Variants in DNAH7 observed in about 807,000 individuals in gnomAD.
DNAH7 encodes dynein axonemal heavy chain 7, also known as axonemal beta dynein heavy chain 7.
A neutral mutation model predicts 444.6 loss-of-function variants in DNAH7; 397 were observed. That is an observed-to-expected ratio of 0.89 (90% CI 0.82 to 0.97). The LOEUF (loss-of-function observed/expected upper bound fraction) is 0.97. Ranked by LOEUF, DNAH7 falls within the 50% of genes least tolerant of loss-of-function variation. The probability of loss-of-function intolerance (pLI) is 0.00; values close to 1 mark genes in which losing one functional copy is unlikely to be tolerated. For missense variants in DNAH7, 4,902 were observed against 4,800.8 expected (o/e 1.02, Z -0.62); for synonymous variants, 1,636 against 1,624.4 (o/e 1.01, Z -0.17).
At chr2:195,934,450 T>G (rs1688910190) in intron 21 of DNAH7, 141 bp downstream of exon 21, 2 of 933,492 alleles carry the variant, frequency 2.1e-6, no homozygotes, top group Middle Eastern at 2.8e-4. Flanking sequence ...TCTCTTTGCC[T>G]TCAAGTTATC....
chr2:195,778,707 C>CAT (rs1474773196), intron 58 of DNAH7, among the ~76,000 whole-genome samples: 71 of 63,812 alleles, frequency 1.1e-3, no homozygotes, highest in African/African-American at 3.5e-3. Flanking sequence ...TATATATACA[C>CAT]ATATATATAC....
chr2:195,759,941 G>A (rs1235421820), intron 61 of DNAH7, among the ~76,000 whole-genome samples: 2 of 152,202 alleles, frequency 1.3e-5, no homozygotes, highest in Non-Finnish European at 1.5e-5. Context: ...GCCTCCCAAA[G>A]TGCTGGGATT....
intron 12 of DNAH7, among the ~76,000 whole-genome samples, chr2:195,988,932 T>C (rs1436534133): frequency 6.6e-6 from 1 of 152,188 alleles, no homozygotes; most frequent in African/African-American, 2.4e-5. Flanking sequence ...AGTGAGATCA[T>C]TCAGTATTTG....
chr2:195,758,086 C>G (rs1180880554), intron 61 of DNAH7, among the ~76,000 whole-genome samples: 3 of 152,164 alleles, frequency 2.0e-5, no homozygotes. Flanking sequence ...TAGAGCCAGC[C>G]CTTTATCTTC....
intron 49 of DNAH7, among the ~76,000 whole-genome samples, chr2:195,821,632 C>T (rs554316546): frequency 2.0e-5 from 3 of 152,146 alleles, no homozygotes; most frequent in African/African-American, 7.2e-5. Flanking sequence ...GTTGTTTGAC[C>T]GAAGAGCAGA....
At chr2:195,856,963 C>G (rs1699749607) in intron 44 of DNAH7, among the ~76,000 whole-genome samples, 1 of 152,004 alleles carries the variant, frequency 6.6e-6, no homozygotes, top group Non-Finnish European at 1.5e-5. Flanking sequence ...TACCACTCTT[C>G]TCATCAGTAT....
Position 196,004,782 on chromosome 2 carries a change from T to TCACA in DNAH7, c.990-2928_990-2925dup, listed in dbSNP as rs58787682. On this transcript the variant is annotated intron_variant, in intron 10 of 64. Coordinates refer to ENST00000312428, the MANE Select transcript of DNAH7 (RefSeq NM_018897.3). The stretch of plus-strand genomic sequence containing the variant: ...CTGGACAACATGGTGAGGGTCTGTC[T>TCACA]CACACACACACACACACACACACAC... 1.4e-3 allele frequency among the ~76,000 whole-genome samples: 204 copies of TCACA among 146,288 alleles called. 1 individual carries two copies. The highest frequency in any genetic ancestry group is 2.7e-3 in the Admixed American group (40 of 14,642).
At chr2:195,961,118 C>G (rs1464097904) in intron 17 of DNAH7, among the ~76,000 whole-genome samples, 173 bp from the exon 18 acceptor site, 5 of 151,938 alleles carry the variant, frequency 3.3e-5, no homozygotes, top group Non-Finnish European at 1.5e-5. Context: ...CTATTTACTT[C>G]TTTTTTTAAT....
intron 15 of DNAH7, among the ~76,000 whole-genome samples, chr2:195,974,624 G>A (rs79015545): frequency 2.1e-3 from 322 of 151,990 alleles, no homozygotes; most frequent in African/African-American, 7.6e-3. Context: ...TTCCTTTAAT[G>A]AACAGGAATT....
intron 54 of DNAH7, among the ~76,000 whole-genome samples, chr2:195,805,125 T>C (rs1696648294): frequency 6.6e-6 from 1 of 152,206 alleles, no homozygotes; most frequent in African/African-American, 2.4e-5. Flanking sequence ...GATAGCTCCA[T>C]GTATTTTCAG....
Position 195,987,066 on chromosome 2 carries a change from C to A in DNAH7, c.1754G>T (p.Arg585Ile), listed in dbSNP as rs1449586344. 1.9e-6 allele frequency: 3 copies of A among 1,589,444 alleles called. No individual in the cohort carries two copies. The highest frequency in any genetic ancestry group is 2.6e-6 in the Non-Finnish European group (3 of 1,173,174). The change falls in exon 14 of 65, where the codon AGA (arginine) becomes ATA (isoleucine). Residue 585 changes from arginine to isoleucine, a missense_variant and splice_region_variant. By Grantham distance (97) the Arg-to-Ile change is moderately conservative (BLOSUM62 -3). Coordinates refer to ENST00000312428, the MANE Select transcript of DNAH7 (RefSeq NM_018897.3). ...AAAAAAACCAGTATCACATAAATAC[C>A]TTGTATTTACTTCCTGATGATCTCT... ...MFRDHQEVNT[R>I]LCDEFERIAE...
At chr2:195,966,371 T>G (rs1331817490) in intron 17 of DNAH7, among the ~76,000 whole-genome samples, 1 of 152,200 alleles carries the variant, frequency 6.6e-6, no homozygotes, top group Admixed American at 6.5e-5. Context: ...ACCTAACATA[T>G]GGTCTATCCT....
chr2:195,981,545 A>G (rs1692574072), intron 15 of DNAH7, among the ~76,000 whole-genome samples: 1 of 152,176 alleles, frequency 6.6e-6, no homozygotes, highest in African/African-American at 2.4e-5. Context: ...GAGGAATCAC[A>G]TTACCTGATT....
At position 196,031,328 on chromosome 2, in the gene DNAH7, C is replaced by A. The variant is rs553646529; in HGVS notation, c.399-3281G>T. Among the ~76,000 whole-genome samples the A allele has an allele frequency of 9.0e-4, 137 of 152,326 alleles. No homozygotes were observed. In the Middle Eastern group the frequency reaches 0.017, roughly 19 times the overall value. Reference sequence around the variant, plus strand: ...GCACGGGGACCCTGGGCCTGGCCCACAGAACCATTTTCTCCTGGGCTTCTG... The same window carrying A: ...GCACGGGGACCCTGGGCCTGGCCCAAAGAACCATTTTCTCCTGGGCTTCTG... On this transcript the variant is annotated intron_variant, in intron 5 of 64. Transcript: ENST00000312428.
In DNAH7 at chr2:196,058,117, C is replaced by G; in HGVS notation, c.16-1G>C. On this transcript the variant is annotated splice_acceptor_variant, in intron 1 of 64. Coordinates refer to ENST00000312428, the MANE Select transcript of DNAH7 (RefSeq NM_018897.3). LOFTEE classifies it high-confidence loss of function. Reference sequence around the variant, plus strand: ...ATTTTTCTTTGCTGGCCGATTTATCCTGTATGAAAAACATGAAAAAACAAA... The same window carrying G: ...ATTTTTCTTTGCTGGCCGATTTATCGTGTATGAAAAACATGAAAAAACAAA... 6.3e-7 allele frequency: 1 copy of G among 1,582,944 alleles called. No homozygotes were observed. Among genetic ancestry groups the G allele is most frequent in the Non-Finnish European group, 8.6e-7 (1 of 1,166,106 alleles).
chr2:196,036,045 T>C (rs78833116), intron 5 of DNAH7, among the ~76,000 whole-genome samples: 1 of 149,798 alleles, frequency 6.7e-6, no homozygotes, highest in Non-Finnish European at 1.5e-5. Context: ...TTTTTTTTTT[T>C]TTCCAGGCAG....
intron 49 of DNAH7, among the ~76,000 whole-genome samples, chr2:195,823,718 C>A (rs1307739054): frequency 3.9e-5 from 6 of 152,046 alleles, no homozygotes; most frequent in African/African-American, 1.4e-4. Context: ...AAGGTGTAGG[C>A]CATAAACCTA....
At chr2:195,740,655 ACACAC>A (rs2105874260) in intron 64 of DNAH7, 106 bp downstream of exon 64, 1 of 49,772 alleles carries the variant, frequency 2.0e-5, no homozygotes, top group Non-Finnish European at 5.0e-5. Flanking sequence ...ACATATACAC[ACACAC>A]ATATGTATAC....
chr2:195,946,103 A>C (rs1375954206), intron 19 of DNAH7, among the ~76,000 whole-genome samples: 2 of 152,144 alleles, frequency 1.3e-5, no homozygotes, highest in Non-Finnish European at 2.9e-5. Flanking sequence ...CTCTGGGAGA[A>C]GATGGTGTGG....
Sources: gnomAD v4.1 joint callset for allele counts (sites outside exome capture counted in the v4.1 genomes callset) on GRCh38, gnomAD v4.1.1 for gene constraint, MANE v1.5 for transcripts, NCBI Gene and HGNC (gene_info 2026-07-23, HGNC 2026-07-21) for gene names.